Variants in CELF2 observed in about 807,000 individuals in gnomAD.
CELF2 encodes CUG triplet repeat RNA-binding protein 2.
CELF2 carries 8 observed loss-of-function variants against 62.6 expected under a neutral mutation model. That is an observed-to-expected ratio of 0.13 (90% CI 0.07 to 0.23). The LOEUF is 0.23. Ranked by LOEUF, CELF2 falls within the 10% of genes least tolerant of loss-of-function variation. The pLI is 1.00. For missense variants in CELF2, 333 were observed against 671.0 expected, an observed-to-expected ratio of 0.50 and a Z score of 5.56; for synonymous variants, 258 against 250.0, an observed-to-expected ratio of 1.03 and a Z score of -0.30.
In CELF2 at chr10:11,247,413, C is replaced by T. The variant is rs2075927941; in HGVS notation, c.355-1740C>T. Among the ~76,000 whole-genome samples, 2 of 152,232 alleles carry T rather than the reference C, an allele frequency of 1.3e-5. No homozygotes were observed. Among genetic ancestry groups the T allele is most frequent in the African/African-American group, 4.8e-5 (2 of 41,460 alleles). ...TGCCGGCCCCCCTTCAGTGCTCGCA[C>T]GTCCAAGGACTCGGCCCAGATGCAG... On this transcript the variant is annotated intron_variant, in intron 3 of 12. Transcript: ENST00000633077. This position sits in a 1 kb window ranked among gnomAD's most constrained non-coding sequence, Gnocchi z 5.4.
intron 1 of CELF2, chr10:11,164,966 T>G: frequency 2.6e-5 from 16 of 616,086 alleles, no homozygotes; most frequent in East Asian, 1.4e-4. Flanking sequence ...CTGCCAAGTG[T>G]TTCATTTTCT....
chr10:10,650,290 A>G, the CELF2 span, among the ~76,000 whole-genome samples: 4 of 152,256 alleles, frequency 2.6e-5, no homozygotes, highest in Non-Finnish European at 5.9e-5. Context: ...AAAGTGTAAG[A>G]CATCTTAATA....
chr10:10,513,761 A>T, the CELF2 span, among the ~76,000 whole-genome samples: 7 of 152,244 alleles, frequency 4.6e-5, no homozygotes, highest in African/African-American at 1.2e-4. Flanking sequence ...TTTCACTTAC[A>T]GACCATGCCA....
intron 2 of CELF2, among the ~76,000 whole-genome samples, chr10:11,189,595 G>A (rs1232331164): frequency 7.2e-5 from 11 of 152,012 alleles, no homozygotes; most frequent in Admixed American, 7.2e-4. Context: ...AATGGCCCTC[G>A]CACTCTCAGC....
At chr10:10,642,240 C>T in the CELF2 span, among the ~76,000 whole-genome samples, 1 of 152,222 alleles carries the variant, frequency 6.6e-6, no homozygotes, top group Non-Finnish European at 1.5e-5. Flanking sequence ...CCACTTTACA[C>T]ATTTATTGCC....
rs376555486 is a variant in CELF2, at chr10:11,139,844, T to G, written c.75-25642T>G. 1.8e-3 allele frequency among the ~76,000 whole-genome samples: 274 copies of G among 150,786 alleles called. 1 individual carries two copies. Among genetic ancestry groups the G allele is most frequent in the Middle Eastern group, 3.4e-3 (1 of 294 alleles). ...AAAGTAGACCACATCATTCAGTTTTTTTTTTTTTTTATTCAGCAAACACCC... is the reference window on the plus strand; with the variant it reads ...AAAGTAGACCACATCATTCAGTTTTGTTTTTTTTTTATTCAGCAAACACCC... On this transcript the variant is annotated intron_variant, in intron 1 of 12. Transcript: ENST00000633077.
chr10:10,755,716 T>G, the CELF2 span, among the ~76,000 whole-genome samples: 3 of 152,152 alleles, frequency 2.0e-5, no homozygotes, highest in Admixed American at 6.5e-5. Context: ...ACGTGATCCT[T>G]CCTATGCTGG....
chr10:11,167,167 T>C (rs1019822328), intron 2 of CELF2, among the ~76,000 whole-genome samples: 1 of 152,256 alleles, frequency 6.6e-6, no homozygotes, highest in Non-Finnish European at 1.5e-5. Flanking sequence ...TTGGACATAT[T>C]CTGATACTGG....
chr10:10,507,691 A>G, the CELF2 span, among the ~76,000 whole-genome samples: 460 of 152,294 alleles, frequency 3.0e-3, no homozygotes, highest in South Asian at 6.8e-3. Flanking sequence ...TTGTGGGAAG[A>G]TGGAGGGTGT....
At chr10:11,226,431 C>T (rs183396963) in intron 3 of CELF2, among the ~76,000 whole-genome samples, 350 of 152,326 alleles carry the variant, frequency 2.3e-3, no homozygotes, top group African/African-American at 8.0e-3. Flanking sequence ...ACATTTGCCC[C>T]TTTGGCACTG....
chr10:10,509,934 C>A, the CELF2 span, among the ~76,000 whole-genome samples: 1 of 152,202 alleles, frequency 6.6e-6, no homozygotes, highest in Non-Finnish European at 1.5e-5. Context: ...AGTGACCCTA[C>A]ATTGACCTTG....
chr10:10,791,399 A>G, the CELF2 span, among the ~76,000 whole-genome samples: 2 of 152,152 alleles, frequency 1.3e-5, no homozygotes, highest in Non-Finnish European at 2.9e-5. Context: ...CCAGTAAACA[A>G]AGATGTATTT....
intron 2 of CELF2, among the ~76,000 whole-genome samples, chr10:10,981,484 A>G (rs1399812507): frequency 6.6e-6 from 1 of 152,194 alleles, no homozygotes; most frequent in Non-Finnish European, 1.5e-5. Flanking sequence ...TACTTCCTAG[A>G]TTGTCTATAT....
At chr10:10,842,196 T>C (rs1313741063) in intron 1 of CELF2, among the ~76,000 whole-genome samples, 1 of 152,136 alleles carries the variant, frequency 6.6e-6, no homozygotes, top group Non-Finnish European at 1.5e-5. Flanking sequence ...TTTTGTAGAT[T>C]CTTTGTTATT....
the CELF2 span, among the ~76,000 whole-genome samples, chr10:10,680,072 T>C: frequency 6.6e-6 from 1 of 152,188 alleles, no homozygotes; most frequent in East Asian, 1.9e-4. Flanking sequence ...ATCATTAGCA[T>C]TCTCGAATCA....
rs372107049 is a variant in CELF2 at position 10,981,197 on chromosome 10, G to A, written c.89+61198G>A. On this transcript the variant is annotated intron_variant, in intron 2 of 13. Coordinates refer to the CELF2 transcript ENST00000636488. ...TTTCTTCGCACTTGGATTCCACTTC[G>A]TTATAGAGACTTCTGTTAAGTACCT... is the stretch of plus-strand genomic sequence containing the variant. Among the ~76,000 whole-genome samples the A allele has an allele frequency of 5.3e-5, 8 of 152,226 alleles. No individual in the cohort carries two copies. In the South Asian group the frequency reaches 1.2e-3, roughly 24 times the overall value.
chr10:10,590,760 G>T, the CELF2 span, among the ~76,000 whole-genome samples: 471 of 152,288 alleles, frequency 3.1e-3, 1 homozygote, highest in Admixed American at 6.1e-3. Flanking sequence ...TCCCTCATCA[G>T]TTAAGTCAGA....
Position 11,300,910 on chromosome 10 carries a change from G to A in CELF2, c.976+12358G>A, listed in dbSNP as rs753396754. Among the ~76,000 whole-genome samples the A allele has an allele frequency of 1.1e-4, 16 of 152,284 alleles. No homozygotes were observed. Among genetic ancestry groups the A allele is most frequent in the Non-Finnish European group, 1.9e-4 (13 of 68,016 alleles). On this transcript the variant is annotated intron_variant, in intron 9 of 12. Transcript: ENST00000633077. This position sits in a 1 kb window ranked among gnomAD's most constrained non-coding sequence, Gnocchi z 5.5. Reference sequence around the variant, plus strand: ...AATTGTTCTGTGGAAAGTGTTTAACGAGGGCACCGAAGGCAAATTCTTGCT... The same window carrying A: ...AATTGTTCTGTGGAAAGTGTTTAACAAGGGCACCGAAGGCAAATTCTTGCT...
rs2093228903 is a variant in CELF2, at chr10:11,296,752, G to A, written c.976+8200G>A. On this transcript the variant is annotated intron_variant, in intron 9 of 12. Transcript: ENST00000633077. The surrounding 1 kb of genome is among the most constrained non-coding windows in gnomAD (Gnocchi z 5.0). The stretch of plus-strand genomic sequence containing the variant: ...GGTAAGGTACAGGGGTCAGTGACAG[G>A]AGAGATTCTGCCCCAAGGAAGTAAG... 6.6e-6 allele frequency among the ~76,000 whole-genome samples: 1 copy of A among 152,216 alleles called. No homozygotes were observed. Among genetic ancestry groups the A allele is most frequent in the African/African-American group, 2.4e-5 (1 of 41,452 alleles).
Sources: gnomAD v4.1 joint callset for allele counts (sites outside exome capture counted in the v4.1 genomes callset) on GRCh38, gnomAD v4.1.1 for gene constraint, Gnocchi (gnomAD v3.1) non-coding constraint, MANE v1.5 for transcripts, NCBI Gene and HGNC (gene_info 2026-07-23, HGNC 2026-07-21) for gene names.